The following TLK1 variants were observed in gnomAD, a reference collection of about 807,000 sequenced individuals.
TLK1 encodes tousled like kinase 1.
Under a neutral mutation model 105.3 loss-of-function variants are expected in TLK1, and 24 were observed. The ratio of observed to expected loss-of-function variants is 0.23; its 90% CI spans 0.17 to 0.32. TLK1 has a LOEUF of 0.32. TLK1 is among the 10% of genes least tolerant of loss of function. The pLI, the probability that TLK1 is intolerant of heterozygous loss-of-function variation, is 1.00. For missense variants in TLK1, 558 were observed against 910.5 expected (o/e 0.61, Z 4.98); for synonymous variants, 321 against 310.4 (o/e 1.03, Z -0.36).
intron 2 of TLK1, among the ~76,000 whole-genome samples, chr2:171,110,249 T>G (rs975477296): frequency 1.3e-5 from 2 of 152,168 alleles, no homozygotes; most frequent in Non-Finnish European, 2.9e-5. Flanking sequence ...GCAGGTGGAT[T>G]ACTTGAAGTC....
At chr2:171,161,796 T>C (rs1692508853), upstream of TLK1, among the ~76,000 whole-genome samples, 1 of 152,226 alleles carries the variant, frequency 6.6e-6, no homozygotes. Flanking sequence ...AATTTATAGA[T>C]AGAGTGTAGC....
intron 1 of TLK1, among the ~76,000 whole-genome samples, chr2:171,158,595 C>CGAATGAAT (rs370984092): frequency 6.6e-6 from 1 of 151,908 alleles, no homozygotes; most frequent in East Asian, 1.9e-4. Context: ...ATTCGAGAAA[C>CGAATGAAT]GAATGAATGA....
chr2:171,026,297 G>A (rs916847007), intron 12 of TLK1, among the ~76,000 whole-genome samples: 6 of 152,140 alleles, frequency 3.9e-5, no homozygotes, highest in African/African-American at 1.4e-4. Flanking sequence ...ATAATATTTG[G>A]ACACTAAGTA....
Position 170,992,987 on chromosome 2 carries a change from C to G in TLK1, c.*793G>C, listed in dbSNP as rs1349388308. ...CTGTCACCTGTTTTGATGAACAAGGCCTGGTAACAAAAGAAAAATACCTGT... is the reference window on the plus strand; with the variant it reads ...CTGTCACCTGTTTTGATGAACAAGGGCTGGTAACAAAAGAAAAATACCTGT... On this transcript the variant is annotated 3_prime_UTR_variant, in exon 21 of 21. Coordinates refer to ENST00000431350, the MANE Select transcript of TLK1 (RefSeq NM_012290.5). The G allele has an allele frequency of 6.6e-6, 1 of 152,572 alleles. No homozygotes were observed. The highest frequency in any genetic ancestry group is 2.4e-5 in the African/African-American group (1 of 41,434). 9.5% of individuals were successfully genotyped at this position (152,572 alleles called of 1,614,324 possible).
intron 13 of TLK1, among the ~76,000 whole-genome samples, chr2:171,012,164 C>T (rs975832850): frequency 4.0e-5 from 6 of 151,894 alleles, no homozygotes; most frequent in Non-Finnish European, 8.8e-5. Context: ...TTGTGCAAGA[C>T]CTTTGAATGT....
Position 171,160,507 on chromosome 2 carries a change from G to A in TLK1, c.-79C>T. ...GGCACCGGCACCCGCCTCCGTCATG[G>A]CGGGGGCCGCGCTGAGGGCGAGCGA... On this transcript the variant is annotated 5_prime_UTR_variant, in exon 1 of 21. Coordinates refer to ENST00000431350, the MANE Select transcript of TLK1 (RefSeq NM_012290.5). This position sits in a 1 kb window ranked among gnomAD's most constrained non-coding sequence, Gnocchi z 4.4. The A allele has an allele frequency of 1.3e-6, 2 of 1,569,610 alleles. No individual in the cohort carries two copies. Among genetic ancestry groups the A allele is most frequent in the South Asian group, 1.2e-5 (1 of 86,764 alleles).
At chr2:171,018,418 T>TG (rs1685310397) in intron 12 of TLK1, among the ~76,000 whole-genome samples, 1 of 152,268 alleles carries the variant, frequency 6.6e-6, no homozygotes, top group Admixed American at 6.5e-5. Flanking sequence ...CCTCAGAGAA[T>TG]GGGGCAAGGC....
intron 10 of TLK1, 52 bp from the exon 11 acceptor site, chr2:171,046,414 G>A (rs1051936447): frequency 6.8e-7 from 1 of 1,474,416 alleles, no homozygotes; most frequent in Non-Finnish European, 9.0e-7. Flanking sequence ...TACTTTTCAA[G>A]GCTAAACTTG....
At chr2:171,151,045 A>G (rs942290166) in intron 1 of TLK1, among the ~76,000 whole-genome samples, 3 of 151,740 alleles carry the variant, frequency 2.0e-5, no homozygotes, top group Non-Finnish European at 4.4e-5. Flanking sequence ...TTTTTTAGAC[A>G]AGGCCTCACT....
At position 171,076,831 on chromosome 2, in the gene TLK1, G is replaced by A. The variant is rs142814632; in HGVS notation, c.330+5950C>T. Among the ~76,000 whole-genome samples, 286 of 151,660 alleles carry A rather than the reference G, an allele frequency of 1.9e-3. 2 individuals are homozygous for A. The highest frequency in any genetic ancestry group is 6.3e-3 in the African/African-American group (259 of 41,320). ...CAGGAGGCTGAGGCAGGAGAATGGC[G>A]TGAACCCGGGAGGCAGAGCTTGCAG... is the stretch of plus-strand genomic sequence containing the variant. On this transcript the variant is annotated intron_variant, in intron 3 of 20. Coordinates refer to ENST00000431350, the MANE Select transcript of TLK1 (RefSeq NM_012290.5).
chr2:171,013,743 A>G (rs1685042397), intron 13 of TLK1, among the ~76,000 whole-genome samples: 1 of 152,230 alleles, frequency 6.6e-6, no homozygotes, highest in Non-Finnish European at 1.5e-5. Context: ...CAAGATTTTC[A>G]TATTTCACAC....
chr2:171,067,803 C>G (rs1350986733), intron 3 of TLK1, among the ~76,000 whole-genome samples: 2 of 151,988 alleles, frequency 1.3e-5, no homozygotes, highest in Non-Finnish European at 2.9e-5. Flanking sequence ...GAAGTCCCCC[C>G]AACCGCCCTG....
intron 1 of TLK1, among the ~76,000 whole-genome samples, chr2:171,124,853 G>A (rs933672269): frequency 2.0e-5 from 3 of 152,104 alleles, no homozygotes; most frequent in East Asian, 1.9e-4. Context: ...CAACTTTTCT[G>A]CCACTTCAAA....
chr2:171,033,909 C>T (rs1314775914), intron 11 of TLK1, among the ~76,000 whole-genome samples: 3 of 146,176 alleles, frequency 2.1e-5, no homozygotes, highest in Non-Finnish European at 4.5e-5. Flanking sequence ...AAAAAAAAAC[C>T]TCCCACAACA....
intron 2 of TLK1, among the ~76,000 whole-genome samples, chr2:171,105,560 C>G (rs1689884652): frequency 6.6e-6 from 1 of 152,068 alleles, no homozygotes. Flanking sequence ...GTGGCGTGCG[C>G]CTGTAGTCCC....
In TLK1 at chr2:171,187,725, G is replaced by A. The variant is rs142218916; in HGVS notation, c.-6+43420C>T. Among the ~76,000 whole-genome samples the A allele has an allele frequency of 1.9e-3, 293 of 152,222 alleles. 2 individuals carry two copies. The highest frequency in any genetic ancestry group is 6.5e-3 in the African/African-American group (268 of 41,536). On this transcript the variant is annotated intron_variant, in intron 1 of 20. Transcript: ENST00000521943. Reference sequence around the variant, plus strand: ...TTAAAATATTGTTTATTGTCTGCCTGCGTCTGCTAGAATGTCAGCTTCACG... The same window carrying A: ...TTAAAATATTGTTTATTGTCTGCCTACGTCTGCTAGAATGTCAGCTTCACG...
At chr2:171,198,105 C>G (rs990251120) in intron 1 of TLK1, among the ~76,000 whole-genome samples, 8 of 152,102 alleles carry the variant, frequency 5.3e-5, no homozygotes, top group Admixed American at 2.0e-4. Flanking sequence ...TCTTTCTCCT[C>G]TTAATCATAG....
chr2:171,107,307 C>A (rs1459674522), intron 2 of TLK1, among the ~76,000 whole-genome samples: 1 of 152,160 alleles, frequency 6.6e-6, no homozygotes, highest in East Asian at 1.9e-4. Flanking sequence ...ATTTTAGACA[C>A]ATTTCTCTTT....
At chr2:171,073,876 C>CG (rs1558925577) in intron 3 of TLK1, among the ~76,000 whole-genome samples, 10 of 89,974 alleles carry the variant, frequency 1.1e-4, no homozygotes, top group East Asian at 1.2e-3. Context: ...TAACATTCCC[C>CG]CCCCCCCTCC....
Sources: gnomAD v4.1 joint callset for allele counts (sites outside exome capture counted in the v4.1 genomes callset) on GRCh38, gnomAD v4.1.1 for gene constraint, Gnocchi (gnomAD v3.1) non-coding constraint, MANE v1.5 for transcripts, NCBI Gene and HGNC (gene_info 2026-07-23, HGNC 2026-07-21) for gene names.